Variants in CCDC6 observed in about 807,000 individuals in gnomAD.
The protein encoded by CCDC6 is coiled-coil domain-containing protein 6.
Under a neutral mutation model 56.6 loss-of-function variants are expected in CCDC6, and 20 were observed. That is an observed-to-expected ratio of 0.35 (90% confidence interval 0.25 to 0.51). The LOEUF is 0.51. Ranked by LOEUF, CCDC6 falls within the 20% of genes least tolerant of loss-of-function variation. CCDC6 has a pLI of 0.95. For synonymous variants in CCDC6, 241 were observed against 234.4 expected (o/e 1.03, Z -0.26); for missense variants, 367 against 601.1 (o/e 0.61, Z 4.07).
At chr10:59,890,805 A>G (rs2071416618) in intron 1 of CCDC6, among the ~76,000 whole-genome samples, 1 of 152,068 alleles carries the variant, frequency 6.6e-6, no homozygotes, top group African/African-American at 2.4e-5. Context: ...ATATGTATAC[A>G]TGTGCCATGT....
intron 1 of CCDC6, among the ~76,000 whole-genome samples, chr10:59,900,609 T>C (rs1334106421): frequency 6.6e-6 from 1 of 152,192 alleles, no homozygotes; most frequent in African/African-American, 2.4e-5. Context: ...TCATTCAATA[T>C]GTTTAAGCAA....
chr10:59,892,254 G>A (rs1269684032), intron 1 of CCDC6, among the ~76,000 whole-genome samples: 1 of 152,142 alleles, frequency 6.6e-6, no homozygotes, highest in East Asian at 1.9e-4. Flanking sequence ...CAGAAAACGT[G>A]TACTTTTTTA....
At chr10:59,814,588 C>T (rs1165134069) in intron 4 of CCDC6, 64 bp downstream of exon 4, 2 of 988,640 alleles carry the variant, frequency 2.0e-6, no homozygotes, top group East Asian at 2.4e-5. Flanking sequence ...CTCAGTCACA[C>T]CCAGAGCAGC....
chr10:59,804,774 AG>A lies in CCDC6; in HGVS notation c.1005-255del, dbSNP rs2070606492. 4.0e-5 allele frequency: 17 copies of A among 422,862 alleles called. No homozygotes were observed. In the South Asian group the frequency reaches 4.3e-4, roughly 11 times the overall value. The allele number at this position is 422,862 out of a possible 1,614,324, so 26.2% of individuals were successfully genotyped here. A position where few individuals can be genotyped will look rare whatever the true frequency, so the allele number is the denominator to read the frequency against. ...GCTCAGGATGGAAGCCAGGTGAAAGAGGTGCACCACACCACAGAGAGGACCA... is the reference window on the plus strand; with the variant it reads ...GCTCAGGATGGAAGCCAGGTGAAAGAGTGCACCACACCACAGAGAGGACCA... On this transcript the variant is annotated intron_variant, in intron 6 of 8. Coordinates refer to ENST00000263102, the MANE Select transcript of CCDC6 (RefSeq NM_005436.5).
chr10:59,796,074 A>C (rs1411887062), intron 7 of CCDC6, among the ~76,000 whole-genome samples: 3 of 152,172 alleles, frequency 2.0e-5, no homozygotes, highest in Admixed American at 6.5e-5. Flanking sequence ...AATGGTTGAA[A>C]TAGTTTACAG....
intron 1 of CCDC6, among the ~76,000 whole-genome samples, chr10:59,853,646 C>G (rs1281339385): frequency 6.6e-6 from 1 of 151,790 alleles, no homozygotes; most frequent in Non-Finnish European, 1.5e-5. Flanking sequence ...TGGCTGGAAA[C>G]TAGTTATTAA....
intron 1 of CCDC6, among the ~76,000 whole-genome samples, chr10:59,873,417 C>T (rs1039457574): frequency 1.3e-5 from 2 of 152,064 alleles, no homozygotes; most frequent in Non-Finnish European, 2.9e-5. Flanking sequence ...AGCCAAGGAA[C>T]GCCTGGAGAT....
intron 1 of CCDC6, among the ~76,000 whole-genome samples, chr10:59,868,784 T>G (rs543206648): frequency 2.4e-4 from 37 of 152,206 alleles, no homozygotes; most frequent in African/African-American, 8.9e-4. Context: ...TCGGCTCCAA[T>G]GAGCTTCCCT....
At chr10:59,796,069 T>C (rs1417099332) in intron 7 of CCDC6, among the ~76,000 whole-genome samples, 2 of 152,186 alleles carry the variant, frequency 1.3e-5, no homozygotes, top group African/African-American at 4.8e-5. Flanking sequence ...TTCACAATGG[T>C]TGAAATAGTT....
intron 2 of CCDC6, 78 bp downstream of exon 2, chr10:59,852,475 A>G (rs1011985719): frequency 8.5e-7 from 1 of 1,183,120 alleles, no homozygotes; most frequent in Non-Finnish European, 1.2e-6. Flanking sequence ...TGTTACAAGC[A>G]AAGTGCTATA....
chr10:59,840,104 A>G (rs543059168), intron 2 of CCDC6, among the ~76,000 whole-genome samples: 2 of 152,238 alleles, frequency 1.3e-5, no homozygotes, highest in Non-Finnish European at 1.5e-5. Flanking sequence ...GATTACAGGC[A>G]TGAGCCACCA....
At chr10:59,887,479 G>A (rs1390130593) in intron 1 of CCDC6, among the ~76,000 whole-genome samples, 3 of 119,268 alleles carry the variant, frequency 2.5e-5, no homozygotes, top group African/African-American at 1.0e-4. Flanking sequence ...CCATGCAACT[G>A]TTAAAAAAAA....
At chr10:59,871,957 T>C (rs1046874557) in intron 1 of CCDC6, among the ~76,000 whole-genome samples, 1 of 152,072 alleles carries the variant, frequency 6.6e-6, no homozygotes, top group Non-Finnish European at 1.5e-5. Context: ...AGAAGGGAAA[T>C]GGATTACAGG....
At chr10:59,793,174 C>T in intron 8 of CCDC6, 63 bp from the exon 9 acceptor site, 1 of 1,400,186 alleles carries the variant, frequency 7.1e-7, no homozygotes, top group East Asian at 2.3e-5. Context: ...CTACCTAACA[C>T]AGCCTGACTT....
chr10:59,797,577 G>T (rs12259529), intron 7 of CCDC6, among the ~76,000 whole-genome samples: 42,606 of 103,876 alleles, frequency 0.41, 7,745 homozygotes, highest in South Asian at 0.47. Flanking sequence ...CCAATGAACT[G>T]AACCTCCTAG....
intron 1 of CCDC6, among the ~76,000 whole-genome samples, chr10:59,900,330 G>T (rs924266722): frequency 6.6e-6 from 1 of 152,114 alleles, no homozygotes; most frequent in Non-Finnish European, 1.5e-5. Context: ...GGTGGAGAAG[G>T]CAGTACAGTC....
chr10:59,807,642 C>T (rs1275853771), intron 5 of CCDC6, among the ~76,000 whole-genome samples: 1 of 152,182 alleles, frequency 6.6e-6, no homozygotes, highest in African/African-American at 2.4e-5. Flanking sequence ...CATCGTCACT[C>T]CCACTCATTT....
At chr10:59,796,250 T>C (rs896586752) in intron 7 of CCDC6, among the ~76,000 whole-genome samples, 23 of 150,482 alleles carry the variant, frequency 1.5e-4, no homozygotes, top group Non-Finnish European at 2.7e-4. Context: ...TTTTTTCATG[T>C]GTTTTTTGGC....
chr10:59,821,783 A>G (rs2070751416), intron 3 of CCDC6, among the ~76,000 whole-genome samples: 1 of 135,712 alleles, frequency 7.4e-6, no homozygotes, highest in East Asian at 1.9e-4. Flanking sequence ...GAAAAAGGAG[A>G]AATACGCAAA....
Sources: gnomAD v4.1 joint callset for allele counts (sites outside exome capture counted in the v4.1 genomes callset) on GRCh38, gnomAD v4.1.1 for gene constraint, MANE v1.5 for transcripts, NCBI Gene and HGNC (gene_info 2026-07-23, HGNC 2026-07-21) for gene names.